The following COL4A1 variants were observed in gnomAD, a reference collection of about 807,000 sequenced individuals.
COL4A1 encodes the protein collagen alpha-1(IV) chain.
Under a neutral mutation model 216.6 loss-of-function variants are expected in COL4A1, and 40 were observed. That is an observed-to-expected ratio of 0.18 (90% CI 0.14 to 0.24). The LOEUF (loss-of-function observed/expected upper bound fraction) is 0.24. Among genes scored for constraint, COL4A1 ranks in the 10% least tolerant of loss-of-function variants. The pLI, the probability that COL4A1 is intolerant of heterozygous loss-of-function variation, is 1.00. For synonymous variants in COL4A1, 839 were observed against 810.7 expected (o/e 1.03, Z -0.59); for missense variants, 1,628 against 2,196.8 (o/e 0.74, Z 5.18).
At chr13:110,205,864 AAT>A (rs1036587966) in intron 15 of COL4A1, among the ~76,000 whole-genome samples, 1 of 151,516 alleles carries the variant, frequency 6.6e-6, no homozygotes. Flanking sequence ...CTCTGTCTCA[AAT>A]ATATATATAT....
intron 1 of COL4A1, among the ~76,000 whole-genome samples, chr13:110,246,879 T>TGTTGTGCTCC (rs1881838328): frequency 6.6e-6 from 1 of 152,160 alleles, no homozygotes; most frequent in African/African-American, 2.4e-5. Context: ...GGCACACACT[T>TGTTGTGCTCC]AACCCGAGTG....
intron 1 of COL4A1, among the ~76,000 whole-genome samples, chr13:110,306,685 C>A (rs897109498): frequency 1.3e-5 from 2 of 152,244 alleles, no homozygotes; most frequent in African/African-American, 4.8e-5. Flanking sequence ...CGCCACAGCG[C>A]GGGCTGTTTC....
Position 110,173,946 on chromosome 13 carries a change from T to C in COL4A1, c.3459A>G (p.Pro1153=), listed in dbSNP as rs1343664644. 3 of 1,614,220 alleles carry C rather than the reference T, an allele frequency of 1.9e-6. No homozygotes were observed. The South Asian group carries it at 3.3e-5, about 18-fold the overall frequency. ...CTGACCCCGGGATTCCATCACTGCC[T>C]GGCTCCCCTTTCTGGCCAGCTGGGC... ...PTGPAGQKGE[P]GSDGIPGSAG... The change falls in exon 40 of 52, where the codon CCA becomes CCG. Residue 1153 remains proline (P), a synonymous_variant. Coordinates refer to ENST00000375820, the MANE Select transcript of COL4A1 (RefSeq NM_001845.6).
At chr13:110,178,367 T>C (rs1310256923) in intron 31 of COL4A1, 136 bp from the exon 32 acceptor site, 1 of 1,042,000 alleles carries the variant, frequency 9.6e-7, no homozygotes, top group Admixed American at 2.0e-5. Flanking sequence ...ATGGATCATC[T>C]GTTAGGTGTT....
intron 2 of COL4A1, among the ~76,000 whole-genome samples, chr13:110,228,221 AG>A (rs567017312): frequency 1.1e-5 from 1 of 88,666 alleles, no homozygotes; most frequent in South Asian, 4.2e-4. Context: ...GCCCCTGAGG[AG>A]TGGTGGTGCG....
chr13:110,224,098 T>C (rs529952571), intron 2 of COL4A1, among the ~76,000 whole-genome samples: 1 of 152,306 alleles, frequency 6.6e-6, no homozygotes, highest in Admixed American at 6.5e-5. Context: ...CTCCAGCCAT[T>C]GCAGGAATGA....
intron 29 of COL4A1, among the ~76,000 whole-genome samples, chr13:110,180,607 G>A (rs1214286008): frequency 6.6e-6 from 1 of 152,270 alleles, no homozygotes. Flanking sequence ...ATCAGGACAG[G>A]AAAGGATCTA....
In COL4A1 at chr13:110,162,231, C is replaced by T. The variant is rs1877119721; in HGVS notation, c.4461G>A (p.Leu1487=). 1.2e-6 allele frequency: 2 copies of T among 1,613,988 alleles called. No homozygotes were observed. Among genetic ancestry groups the T allele is most frequent in the East Asian group, 2.2e-5 (1 of 44,884 alleles). ...TGCATGGATCTGCAGGCTTCTTACC[C>T]AAGTCCTGGCCATGGGCCCGTTCAT... The part of the protein sequence containing the change: ...QGNERAHGQD[L]GTAGSCLRKF... Residue 1487 remains leucine (L), a splice_region_variant and synonymous_variant, in exon 48 of 52, where the codon TTG becomes TTA. Coordinates refer to ENST00000375820, the MANE Select transcript of COL4A1 (RefSeq NM_001845.6).
chr13:110,238,889 A>T (rs558378330), intron 2 of COL4A1, among the ~76,000 whole-genome samples: 12 of 152,216 alleles, frequency 7.9e-5, no homozygotes, highest in Non-Finnish European at 1.8e-4. Flanking sequence ...TCAAATTATC[A>T]CTCAAAAGAA....
intron 26 of COL4A1, among the ~76,000 whole-genome samples, chr13:110,185,133 A>G (rs1878342337): frequency 6.6e-6 from 1 of 152,020 alleles, no homozygotes. Context: ...ATATCCAGCT[A>G]CTTTATTTAT....
intron 2 of COL4A1, among the ~76,000 whole-genome samples, chr13:110,225,175 C>T (rs1880681267): frequency 1.3e-5 from 2 of 152,178 alleles, no homozygotes; most frequent in South Asian, 2.1e-4. Context: ...TGCAGAGCCG[C>T]GTACATAGCA....
intron 1 of COL4A1, among the ~76,000 whole-genome samples, chr13:110,289,834 C>A (rs977908064): frequency 6.6e-6 from 1 of 152,308 alleles, no homozygotes; most frequent in Non-Finnish European, 1.5e-5. Context: ...GCACGGACCA[C>A]CGCTTCTTCC....
chr13:110,174,771 A>G (rs1877804042), intron 37 of COL4A1, 22 bp from the exon 38 acceptor site: 2 of 1,610,902 alleles, frequency 1.2e-6, no homozygotes, highest in Non-Finnish European at 1.7e-6. Flanking sequence ...AGTCAGGCAT[A>G]TTAACTTTAC....
intron 1 of COL4A1, among the ~76,000 whole-genome samples, chr13:110,276,132 G>T (rs918722163): frequency 5.9e-5 from 9 of 152,026 alleles, no homozygotes; most frequent in African/African-American, 1.9e-4. Flanking sequence ...GGGATGTAGA[G>T]ATCATGGGAG....
chr13:110,265,029 C>T (rs1290961998), intron 1 of COL4A1, among the ~76,000 whole-genome samples: 1 of 152,244 alleles, frequency 6.6e-6, no homozygotes. Flanking sequence ...CTCGGCTCTG[C>T]AAGATGCTGG....
rs756352312 is a variant in COL4A1, at chr13:110,177,833, C to G, written c.2716+9G>C. 3 of 1,613,894 alleles carry G rather than the reference C, an allele frequency of 1.9e-6. No individual in the cohort carries two copies. Among genetic ancestry groups the G allele is most frequent in the Non-Finnish European group, 2.5e-6 (3 of 1,179,858 alleles). ...CAAAATGAGCTTCTAGGGTTATCAG[C>G]TCCCCTACCTTTTTCACCCGGTAAT... is the stretch of plus-strand genomic sequence containing the variant. On this transcript the variant is annotated intron_variant, in intron 33 of 51. Transcript: ENST00000375820.
chr13:110,223,044 T>A (rs562620999), intron 2 of COL4A1, among the ~76,000 whole-genome samples: 4 of 152,248 alleles, frequency 2.6e-5, no homozygotes, highest in African/African-American at 9.6e-5. Context: ...CTATAAATAA[T>A]GAGAATGATG....
chr13:110,303,668 T>C (rs189232576), intron 1 of COL4A1, among the ~76,000 whole-genome samples: 5 of 152,294 alleles, frequency 3.3e-5, no homozygotes, highest in Non-Finnish European at 5.9e-5. Context: ...TTCCTCTGAG[T>C]TCCCCAAAGC....
intron 36 of COL4A1, 56 bp downstream of exon 36, chr13:110,176,368 C>T: frequency 8.6e-7 from 1 of 1,165,288 alleles, no homozygotes; most frequent in Non-Finnish European, 1.3e-6. Flanking sequence ...TGCAGACATG[C>T]CCTACCAGTA....
Sources: gnomAD v4.1 joint callset for allele counts (sites outside exome capture counted in the v4.1 genomes callset) on GRCh38, gnomAD v4.1.1 for gene constraint, MANE v1.5 for transcripts, NCBI Gene and HGNC (gene_info 2026-07-23, HGNC 2026-07-21) for gene names.